Variants in TENM4 observed in about 807,000 individuals in gnomAD.
TENM4 encodes the protein teneurin-4.
TENM4 carries 82 observed loss-of-function variants against 243.3 expected under a neutral mutation model. That is an observed-to-expected ratio of 0.34 (90% CI 0.28 to 0.40). The LOEUF (loss-of-function observed/expected upper bound fraction) is 0.40. TENM4 is among the 10% of genes least tolerant of loss of function. TENM4 has a pLI of 1.00. For synonymous variants in TENM4, 1,412 were observed against 1,456.3 expected, an observed-to-expected ratio of 0.97 and a Z score of 0.69; for missense variants, 3,138 against 3,673.3, an observed-to-expected ratio of 0.85 and a Z score of 3.77.
At chr11:78,900,006 C>T (rs560292401) in intron 7 of TENM4, among the ~76,000 whole-genome samples, 1 of 152,222 alleles carries the variant, frequency 6.6e-6, no homozygotes, top group African/African-American at 2.4e-5. Flanking sequence ...GCCATCCCCC[C>T]ACAAGATGTC....
chr11:79,158,759 T>C (rs766355292), intron 3 of TENM4, among the ~76,000 whole-genome samples: 3 of 152,220 alleles, frequency 2.0e-5, no homozygotes, highest in Non-Finnish European at 4.4e-5. Flanking sequence ...GGATGTTGAA[T>C]AATTTGCACA....
intron 2 of TENM4, among the ~76,000 whole-genome samples, chr11:79,244,883 G>A (rs1042145474): frequency 6.6e-6 from 1 of 152,154 alleles, no homozygotes; most frequent in African/African-American, 2.4e-5. Flanking sequence ...GGAAGACAGA[G>A]CCCAAAGAGG....
intron 6 of TENM4, among the ~76,000 whole-genome samples, chr11:79,023,432 T>C (rs909343331): frequency 2.0e-5 from 3 of 151,860 alleles, no homozygotes; most frequent in Non-Finnish European, 4.4e-5. Flanking sequence ...CGCAGTGGTG[T>C]GCACCTGTAA....
intron 1 of TENM4, among the ~76,000 whole-genome samples, chr11:79,409,362 T>C (rs1331080394): frequency 6.6e-6 from 1 of 152,108 alleles, no homozygotes; most frequent in East Asian, 1.9e-4. Flanking sequence ...ACTGAAATCA[T>C]CTGATGAGGC....
intron 6 of TENM4, among the ~76,000 whole-genome samples, chr11:78,983,417 G>A (rs1236438425): frequency 6.6e-6 from 1 of 152,206 alleles, no homozygotes. Flanking sequence ...TACTGCTATT[G>A]TCACAAGTCA....
At chr11:78,899,563 G>GGGA (rs1555098932) in intron 7 of TENM4, among the ~76,000 whole-genome samples, 2 of 136,208 alleles carry the variant, frequency 1.5e-5, no homozygotes, top group Non-Finnish European at 3.2e-5. Context: ...AAAAAGCGGG[G>GGGA]GGGGGGGGAA....
chr11:78,726,233 C>A lies in TENM4; in HGVS notation c.3407-11G>T, dbSNP rs1403477142. ...CATAACCCACGGAAACTGTAGGTGA[C>A]AGAATGAGGCAAAATGCATAAGTGA... On this transcript the variant is annotated splice_polypyrimidine_tract_variant and intron_variant, in intron 22 of 33. Transcript: ENST00000278550. 1 of 1,612,930 alleles carries A rather than the reference C, an allele frequency of 6.2e-7. No individual in the cohort carries two copies.
At chr11:79,395,777 G>A (rs1858331612) in intron 1 of TENM4, among the ~76,000 whole-genome samples, 1 of 152,310 alleles carries the variant, frequency 6.6e-6, no homozygotes, top group South Asian at 2.1e-4. Flanking sequence ...GGGATTTTGA[G>A]TTTGAATCCT....
intron 6 of TENM4, among the ~76,000 whole-genome samples, chr11:78,938,424 C>G (rs540816198): frequency 6.6e-6 from 1 of 152,252 alleles, no homozygotes; most frequent in South Asian, 2.1e-4. Flanking sequence ...TTAAGGAACA[C>G]GTCCATGTTT....
At chr11:78,812,385 C>T in intron 13 of TENM4, 69 bp from the exon 14 acceptor site, 6 of 1,508,584 alleles carry the variant, frequency 4.0e-6, no homozygotes, top group Non-Finnish European at 5.4e-6. Context: ...TTGTCTCTTT[C>T]TCCTCCTGGC....
intron 2 of TENM4, among the ~76,000 whole-genome samples, chr11:79,257,627 T>TGACACACA: frequency 6.6e-6 from 1 of 152,304 alleles, no homozygotes; most frequent in Non-Finnish European, 1.5e-5. Context: ...CACGTGTCTT[T>TGACACACA]GACACACAGG....
At chr11:79,034,719 G>A (rs1324283434) in intron 6 of TENM4, among the ~76,000 whole-genome samples, 2 of 152,126 alleles carry the variant, frequency 1.3e-5, no homozygotes, top group African/African-American at 2.4e-5. Flanking sequence ...CCTGGAAAAT[G>A]CCTGGATAAC....
rs372744468 is a variant in TENM4 at position 78,932,944 on chromosome 11, C to T, written c.494-29421G>A. Among the ~76,000 whole-genome samples the T allele has an allele frequency of 2.8e-4, 42 of 152,218 alleles. No homozygotes were observed. The East Asian group carries it at 5.2e-3, about 19-fold the overall frequency. On this transcript the variant is annotated intron_variant, in intron 6 of 33. Transcript: ENST00000278550. Reference sequence around the variant, plus strand: ...CAGGCCACGGTCCGGTACAGGTTCGCGGCCCAGGGTTGGGGACTCTTGCTT... The same window carrying T: ...CAGGCCACGGTCCGGTACAGGTTCGTGGCCCAGGGTTGGGGACTCTTGCTT...
At chr11:79,335,573 C>A (rs1857134627) in intron 1 of TENM4, among the ~76,000 whole-genome samples, 1 of 152,184 alleles carries the variant, frequency 6.6e-6, no homozygotes, top group African/African-American at 2.4e-5. Flanking sequence ...TTGAAGACTG[C>A]AGATCCTTCT....
In TENM4 at chr11:78,676,220, G is replaced by A. The variant is rs569347334; in HGVS notation, c.5428C>T (p.Leu1810=). ...VTLPIDNGLN[L]VEWRQRKEQA... Reference sequence around the variant, plus strand: ...TCTTTGCGCTGGCGCCACTCCACCAGGTTGAGGCCGTTGTCGATGGGCAGC... The same window carrying A: ...TCTTTGCGCTGGCGCCACTCCACCAAGTTGAGGCCGTTGTCGATGGGCAGC... Residue 1810 remains leucine (L), a synonymous_variant, in exon 30 of 34, where the codon CTG becomes TTG. Coordinates refer to ENST00000278550, the MANE Select transcript of TENM4 (RefSeq NM_001098816.3). 7.5e-6 allele frequency: 12 copies of A among 1,598,346 alleles called. No homozygotes were observed. The East Asian group carries it at 2.3e-4, about 30-fold the overall frequency.
At chr11:79,065,268 A>C (rs955076223) in intron 5 of TENM4, among the ~76,000 whole-genome samples, 1 of 151,986 alleles carries the variant, frequency 6.6e-6, no homozygotes, top group African/African-American at 2.4e-5. Flanking sequence ...CCCAATACCA[A>C]CACCTGTGCA....
intron 4 of TENM4, among the ~76,000 whole-genome samples, chr11:79,125,756 C>T (rs1861862242): frequency 6.6e-6 from 1 of 152,134 alleles, no homozygotes. Context: ...ACAGTGATGG[C>T]CTCCCCTGAG....
At chr11:79,398,056 G>A (rs923454355) in intron 1 of TENM4, among the ~76,000 whole-genome samples, 4 of 152,184 alleles carry the variant, frequency 2.6e-5, no homozygotes, top group African/African-American at 9.7e-5. Flanking sequence ...TTACATATGT[G>A]TGCTTGTTTG....
intron 4 of TENM4, among the ~76,000 whole-genome samples, chr11:79,070,788 A>G (rs891515412): frequency 9.2e-5 from 14 of 152,214 alleles, no homozygotes; most frequent in Non-Finnish European, 2.9e-5. Flanking sequence ...GGTGTCAAGT[A>G]AAAAAGCCAG....
Sources: allele counts gnomAD v4.1 joint callset (sites outside exome capture counted in the v4.1 genomes callset), GRCh38; gene constraint gnomAD v4.1.1; transcripts MANE v1.5; gene names NCBI Gene and HGNC (gene_info 2026-07-23, HGNC 2026-07-21).